Variants in BAALC observed in about 807,000 individuals in gnomAD.
BAALC encodes the protein BAALC binder of MAP3K1 and KLF4, also known as brain and acute leukemia cytoplasmic protein.
BAALC carries 9 observed loss-of-function variants against 15.5 expected under a neutral mutation model. That is an observed-to-expected ratio of 0.58 (90% CI 0.35 to 1.02). The LOEUF (loss-of-function observed/expected upper bound fraction) is 1.02. Ranked by LOEUF, BAALC falls within the 50% of genes least tolerant of loss-of-function variation. The pLI is 0.02. For synonymous variants in BAALC, 80 were observed against 74.6 expected, an observed-to-expected ratio of 1.07 and a Z score of -0.37; for missense variants, 201 against 192.4, an observed-to-expected ratio of 1.04 and a Z score of -0.27.
chr8:103,169,699 G>A (rs1330907327), intron 1 of BAALC, among the ~76,000 whole-genome samples: 1 of 152,192 alleles, frequency 6.6e-6, no homozygotes, highest in Non-Finnish European at 1.5e-5. Context: ...GAAGAAGCCT[G>A]GAGTCCCAGT....
At chr8:103,147,927 C>T (rs1212546324) in intron 1 of BAALC, among the ~76,000 whole-genome samples, 3 of 152,180 alleles carry the variant, frequency 2.0e-5, no homozygotes, top group Non-Finnish European at 2.9e-5. Flanking sequence ...CTACCAGGAA[C>T]GCTTGCTTCC....
At chr8:103,222,707 T>A (rs1297284503) in intron 2 of BAALC, among the ~76,000 whole-genome samples, 1 of 152,246 alleles carries the variant, frequency 6.6e-6, no homozygotes, top group African/African-American at 2.4e-5. Context: ...AAATACAGTG[T>A]CATTATTTGA....
At chr8:103,196,519 A>G (rs956874769) in intron 1 of BAALC, among the ~76,000 whole-genome samples, 5 of 152,048 alleles carry the variant, frequency 3.3e-5, no homozygotes, top group African/African-American at 1.2e-4. Context: ...GGACTCAAGC[A>G]ATCTTCCTGT....
intron 2 of BAALC, among the ~76,000 whole-genome samples, chr8:103,217,720 G>C (rs555282710): frequency 6.6e-6 from 1 of 152,116 alleles, no homozygotes; most frequent in Admixed American, 6.5e-5. Context: ...CTACTGCAGT[G>C]CTGCCATTCA....
At chr8:103,207,974 CT>C (rs993443177) in intron 1 of BAALC, among the ~76,000 whole-genome samples, 1 of 152,242 alleles carries the variant, frequency 6.6e-6, no homozygotes, top group African/African-American at 2.4e-5. Context: ...GGGGTGTCCT[CT>C]TGACCACACT....
intron 2 of BAALC, among the ~76,000 whole-genome samples, chr8:103,226,790 G>A (rs1247649622): frequency 6.6e-6 from 1 of 152,092 alleles, no homozygotes; most frequent in Non-Finnish European, 1.5e-5. Context: ...TTTAGTGACA[G>A]TCATTGTACT....
At chr8:103,201,237 G>A (rs2130031782) in intron 1 of BAALC, among the ~76,000 whole-genome samples, 1 of 152,236 alleles carries the variant, frequency 6.6e-6, no homozygotes, top group South Asian at 2.1e-4. Context: ...CAGGGCCTTG[G>A]CCAAGGAAAG....
chr8:103,174,499 A>C (rs921893016), intron 1 of BAALC, among the ~76,000 whole-genome samples: 18 of 152,146 alleles, frequency 1.2e-4, no homozygotes, highest in Non-Finnish European at 1.0e-4. Context: ...CAGTTAGCCG[A>C]TTTTCTGGGC....
intron 2 of BAALC, among the ~76,000 whole-genome samples, chr8:103,221,450 A>T (rs1441912778): frequency 2.0e-5 from 3 of 151,396 alleles, no homozygotes; most frequent in Admixed American, 1.3e-4. Context: ...CTCATTATGG[A>T]ATTGGGGGCC....
At chr8:103,180,446 C>T (rs1254387907) in intron 1 of BAALC, among the ~76,000 whole-genome samples, 1 of 152,186 alleles carries the variant, frequency 6.6e-6, no homozygotes, top group Non-Finnish European at 1.5e-5. Context: ...AAAAATTTGG[C>T]AGAGCATGAA....
intron 1 of BAALC, among the ~76,000 whole-genome samples, chr8:103,181,639 G>C (rs1233560396): frequency 6.6e-6 from 1 of 152,166 alleles, no homozygotes; most frequent in Non-Finnish European, 1.5e-5. Flanking sequence ...AATAGTTTCT[G>C]TCTTAGTGTA....
intron 1 of BAALC, among the ~76,000 whole-genome samples, chr8:103,203,462 C>G (rs958778424): frequency 2.6e-5 from 4 of 152,148 alleles, no homozygotes; most frequent in Non-Finnish European, 5.9e-5. Flanking sequence ...ACAATTGACC[C>G]ATTTAAAGCA....
intron 1 of BAALC, among the ~76,000 whole-genome samples, chr8:103,174,260 C>CAAAA (rs34745381): frequency 0.16 from 20,746 of 126,272 alleles, 1,923 homozygotes; most frequent in East Asian, 0.41. Context: ...GGCAAAGCAC[C>CAAAA]AAAAAAAAAA....
intron 1 of BAALC, among the ~76,000 whole-genome samples, chr8:103,203,846 G>A (rs534605423): frequency 8.7e-4 from 132 of 152,158 alleles, no homozygotes; most frequent in Admixed American, 3.5e-3. Context: ...ATGGATATTC[G>A]GGTTGTTTCT....
intron 1 of BAALC, among the ~76,000 whole-genome samples, chr8:103,196,407 AATAGCTGGGACTACGGGC>A (rs1812099312): frequency 6.6e-6 from 1 of 151,970 alleles, no homozygotes; most frequent in Non-Finnish European, 1.5e-5. Context: ...CAGCCTCCCA[AATAGCTGGGACTACGGGC>A]ATGCACCACC....
chr8:103,154,382 C>T (rs1381934273), intron 1 of BAALC, among the ~76,000 whole-genome samples: 3 of 152,000 alleles, frequency 2.0e-5, no homozygotes, highest in Non-Finnish European at 2.9e-5. Context: ...CTGTCCTCAC[C>T]GCCTTTCACC....
At chr8:103,226,034 ATGT>A (rs1321390229) in intron 2 of BAALC, among the ~76,000 whole-genome samples, 12 of 152,340 alleles carry the variant, frequency 7.9e-5, no homozygotes, top group Admixed American at 7.2e-4. Flanking sequence ...TTCAGGGGCC[ATGT>A]TGTTTGAAAA....
In BAALC at chr8:103,149,530, C is replaced by T. The variant is rs181512334; in HGVS notation, c.160+8473C>T. ...GCCTCTCTCAGCATTTAGGTTTCAT[C>T]TTTCAGGTCCCATGAAGACGATGCT... is the stretch of plus-strand genomic sequence containing the variant. On this transcript the variant is annotated intron_variant, in intron 1 of 2. Coordinates refer to ENST00000309982, the MANE Select transcript of BAALC (RefSeq NM_024812.3). Among the ~76,000 whole-genome samples the T allele has an allele frequency of 3.2e-3, 493 of 152,324 alleles. 5 individuals carry two copies. Among genetic ancestry groups the T allele is most frequent in the African/African-American group, 0.011 (472 of 41,574 alleles).
At chr8:103,167,600 G>T (rs1022798624) in intron 1 of BAALC, among the ~76,000 whole-genome samples, 1 of 152,222 alleles carries the variant, frequency 6.6e-6, no homozygotes, top group African/African-American at 2.4e-5. Flanking sequence ...ATGATGAAAA[G>T]TTGGTATGGG....
Sources: gnomAD v4.1 joint callset for allele counts (sites outside exome capture counted in the v4.1 genomes callset) on GRCh38, gnomAD v4.1.1 for gene constraint, MANE v1.5 for transcripts, NCBI Gene and HGNC (gene_info 2026-07-23, HGNC 2026-07-21) for gene names.